RPS6KA6: variants seen among roughly 807,000 people sequenced by gnomAD.
RPS6KA6 encodes ribosomal protein S6 kinase alpha-6.
Under a neutral mutation model 65.4 loss-of-function variants are expected in RPS6KA6, and 27 were observed. The ratio of observed to expected loss-of-function variants is 0.41; its 90% CI spans 0.30 to 0.57. The LOEUF (loss-of-function observed/expected upper bound fraction) is 0.57, where lower values mean the gene tolerates loss of function less well. Among genes scored for constraint, RPS6KA6 ranks in the 20% least tolerant of loss-of-function variants. The pLI is 0.24. For missense variants in RPS6KA6, 486 were observed against 555.6 expected, an observed-to-expected ratio of 0.87 and a Z score of 1.26; for synonymous variants, 190 against 184.2, an observed-to-expected ratio of 1.03 and a Z score of -0.26.
intron 18 of RPS6KA6, among the ~76,000 whole-genome samples, chrX:84,100,582 T>A (rs2034240128): frequency 1.8e-5 from 2 of 110,695 alleles, no homozygotes; most frequent in African/African-American, 6.5e-5. Context: ...ACTGTATAAA[T>A]CTGTTAGAAT....
At chrX:84,134,384 A>G (rs1299590417) in intron 8 of RPS6KA6, among the ~76,000 whole-genome samples, 1 of 111,302 alleles carries the variant, frequency 9.0e-6, no homozygotes, top group Non-Finnish European at 1.9e-5. Flanking sequence ...TTCTATTTCT[A>G]TATCACTCTC....
chrX:84,167,450 A>C (rs1189272339), intron 1 of RPS6KA6, among the ~76,000 whole-genome samples: 1 of 112,146 alleles, frequency 8.9e-6, no homozygotes, highest in Non-Finnish European at 1.9e-5. Context: ...AAAAGGCTAA[A>C]TACTGTATGA....
intron 13 of RPS6KA6, 128 bp from the exon 14 acceptor site, chrX:84,107,168 T>C (rs1425961926): frequency 1.2e-5 from 6 of 516,916 alleles, no homozygotes; most frequent in Non-Finnish European, 1.8e-5. Context: ...TGATTTATTA[T>C]ATATTATCTG....
At chrX:84,082,451 A>G (rs910918627) in intron 20 of RPS6KA6, among the ~76,000 whole-genome samples, 4 of 112,229 alleles carry the variant, frequency 3.6e-5, no homozygotes, top group African/African-American at 1.3e-4. Context: ...AAGAGAGGAC[A>G]CAATCAAATG....
intron 3 of RPS6KA6, among the ~76,000 whole-genome samples, chrX:84,148,771 T>G (rs1288798360): frequency 1.8e-5 from 2 of 111,718 alleles, no homozygotes; most frequent in East Asian, 5.6e-4. Flanking sequence ...AGATATAATC[T>G]TATTGCTGGT....
intron 3 of RPS6KA6, among the ~76,000 whole-genome samples, chrX:84,148,480 C>CA (rs923261785): frequency 2.7e-5 from 3 of 110,211 alleles, no homozygotes; most frequent in African/African-American, 9.9e-5. Flanking sequence ...AGTTTTTAAT[C>CA]AAAAAAACTG....
intron 18 of RPS6KA6, among the ~76,000 whole-genome samples, chrX:84,101,519 C>T (rs2034258997): frequency 9.0e-6 from 1 of 110,815 alleles, no homozygotes; most frequent in Admixed American, 9.7e-5. Flanking sequence ...CCCTGTGTGG[C>T]TATTTTCTCC....
intron 2 of RPS6KA6, among the ~76,000 whole-genome samples, chrX:84,157,090 A>T (rs767197156): frequency 8.9e-6 from 1 of 112,142 alleles, no homozygotes; most frequent in African/African-American, 3.2e-5. Context: ...TTCTCAATCT[A>T]TTCACTCTTC....
At chrX:84,154,323 T>C (rs995672958) in intron 3 of RPS6KA6, among the ~76,000 whole-genome samples, 151 of 111,303 alleles carry the variant, frequency 1.4e-3, no homozygotes, top group African/African-American at 4.7e-3. Context: ...TTAATATTCA[T>C]CTATGAAAGC....
intron 6 of RPS6KA6, among the ~76,000 whole-genome samples, chrX:84,139,718 GCAGA>G (rs1450288890): frequency 1.8e-5 from 2 of 112,226 alleles, no homozygotes; most frequent in Admixed American, 9.5e-5. Flanking sequence ...GAAAAATGAA[GCAGA>G]CAAAGACAGG....
intron 14 of RPS6KA6, among the ~76,000 whole-genome samples, 190 bp from the exon 15 acceptor site, chrX:84,106,677 T>C (rs1316663750): frequency 9.0e-6 from 1 of 111,324 alleles, no homozygotes; most frequent in African/African-American, 3.3e-5. Flanking sequence ...ATAAAGCAAC[T>C]AGCTTATACA....
At chrX:84,084,072 A>G (rs928143061) in intron 20 of RPS6KA6, among the ~76,000 whole-genome samples, 3 of 111,891 alleles carry the variant, frequency 2.7e-5, no homozygotes, top group Non-Finnish European at 3.8e-5. Context: ...GTTTTCTTGT[A>G]AATTTGTTTA....
chrX:84,073,644 AT>A (rs2033596269), intron 20 of RPS6KA6, among the ~76,000 whole-genome samples: 1 of 111,856 alleles, frequency 8.9e-6, no homozygotes, highest in Non-Finnish European at 1.9e-5. Flanking sequence ...AGGGATTAAT[AT>A]CCAGAATATA....
At chrX:84,171,682 A>T (rs778208935) in intron 1 of RPS6KA6, among the ~76,000 whole-genome samples, 1 of 111,549 alleles carries the variant, frequency 9.0e-6, no homozygotes. Flanking sequence ...TTAAAATTTT[A>T]TTTTAAGTTC....
chrX:84,149,536 G>A (rs2035262204), intron 3 of RPS6KA6, among the ~76,000 whole-genome samples: 1 of 111,920 alleles, frequency 8.9e-6, no homozygotes, highest in Admixed American at 9.5e-5. Flanking sequence ...GTAATAGCAA[G>A]CATGAAAACA....
chrX:84,092,074 T>C (rs1031146658), intron 20 of RPS6KA6, among the ~76,000 whole-genome samples: 2 of 111,077 alleles, frequency 1.8e-5, no homozygotes, highest in East Asian at 2.9e-4. Flanking sequence ...TCAGGATAAA[T>C]AGCTAATGCA....
intron 20 of RPS6KA6, among the ~76,000 whole-genome samples, chrX:84,065,527 T>C (rs2033381161): frequency 9.0e-6 from 1 of 111,707 alleles, no homozygotes; most frequent in African/African-American, 3.3e-5. Context: ...ATGTAGTTAA[T>C]CCATTCAATA....
rs1301017177 is a variant in RPS6KA6, at chrX:84,170,617, G to A, written c.82-6230C>T. Among the ~76,000 whole-genome samples the A allele has an allele frequency of 2.7e-5, 3 of 110,397 alleles. No individual in the cohort carries two copies. In the Admixed American group the frequency reaches 2.9e-4, roughly 11 times the overall value. ...TGCATTCCAGCCTGGGCGACAGAGT[G>A]AGACTCTGGCTCAAAGGCAAAAAAA... On this transcript the variant is annotated intron_variant, in intron 1 of 21. Coordinates refer to ENST00000262752, the MANE Select transcript of RPS6KA6 (RefSeq NM_014496.5).
chrX:84,146,728 G>T (rs1418372412), intron 5 of RPS6KA6, among the ~76,000 whole-genome samples: 1 of 111,623 alleles, frequency 9.0e-6, no homozygotes, highest in Non-Finnish European at 1.9e-5. Context: ...AATACTACCA[G>T]ACAGGTAAGT....
Sources: gnomAD v4.1 joint callset for allele counts (sites outside exome capture counted in the v4.1 genomes callset) on GRCh38, gnomAD v4.1.1 for gene constraint, MANE v1.5 for transcripts, NCBI Gene and HGNC (gene_info 2026-07-23, HGNC 2026-07-21) for gene names.